The following SNX29 variants were observed in gnomAD, a reference collection of about 807,000 sequenced individuals.
SNX29 encodes sorting nexin 29, also known as sorting nexin-29.
SNX29 carries 78 observed loss-of-function variants against 102.1 expected under a neutral mutation model. The ratio of observed to expected loss-of-function variants is 0.76; its 90% CI spans 0.64 to 0.92. The LOEUF is 0.92. SNX29 is among the 40% of genes least tolerant of loss of function. SNX29 has a pLI of 0.00. For missense variants in SNX29, 1,280 were observed against 1,061.7 expected (o/e 1.21, Z -2.86); for synonymous variants, 580 against 414.5 (o/e 1.40, Z -4.85).
intron 14 of SNX29, among the ~76,000 whole-genome samples, chr16:12,218,098 A>G (rs1052589672): frequency 2.0e-5 from 3 of 152,260 alleles, no homozygotes; most frequent in Non-Finnish European, 4.4e-5. Flanking sequence ...CAATGATAAA[A>G]AAATTGTTTG....
chr16:12,534,420 G>A (rs973931981), intron 20 of SNX29, among the ~76,000 whole-genome samples: 2 of 152,298 alleles, frequency 1.3e-5, no homozygotes, highest in African/African-American at 4.8e-5. Context: ...TGTAGCCAGC[G>A]GCTGCACTCG....
At chr16:12,181,496 G>C (rs914444049) in intron 13 of SNX29, among the ~76,000 whole-genome samples, 1 of 152,226 alleles carries the variant, frequency 6.6e-6, no homozygotes, top group Non-Finnish European at 1.5e-5. Flanking sequence ...ATTCAGCTCA[G>C]TGAGTAGAGG....
chr16:12,349,134 C>A (rs1329540102), intron 15 of SNX29, among the ~76,000 whole-genome samples: 1 of 152,220 alleles, frequency 6.6e-6, no homozygotes, highest in Non-Finnish European at 1.5e-5. Context: ...TTTAGACAGG[C>A]CACTTGCCCC....
chr16:12,465,468 G>T (rs2087008374), intron 18 of SNX29, among the ~76,000 whole-genome samples: 1 of 152,092 alleles, frequency 6.6e-6, no homozygotes, highest in Non-Finnish European at 1.5e-5. Context: ...TGAAAAGACA[G>T]TCTTTTCCCC....
At chr16:12,404,694 T>C (rs4780431) in intron 18 of SNX29, among the ~76,000 whole-genome samples, 83,722 of 151,962 alleles carry the variant, frequency 0.55, 23,716 homozygotes, top group Non-Finnish European at 0.62. Flanking sequence ...GACACTGAAC[T>C]TGAAAGCGGA....
intron 19 of SNX29, among the ~76,000 whole-genome samples, chr16:12,484,809 C>G (rs2088146516): frequency 6.6e-6 from 1 of 152,190 alleles, no homozygotes; most frequent in African/African-American, 2.4e-5. Flanking sequence ...CTGGCCCTTT[C>G]CTCTGCTTTA....
chr16:12,234,767 A>G (rs892111117), intron 14 of SNX29, among the ~76,000 whole-genome samples: 3 of 152,144 alleles, frequency 2.0e-5, no homozygotes, highest in African/African-American at 7.2e-5. Flanking sequence ...TTAGCACTGC[A>G]TTGTGTGTTT....
At chr16:12,462,066 C>T (rs1404451639) in intron 18 of SNX29, among the ~76,000 whole-genome samples, 2 of 131,444 alleles carry the variant, frequency 1.5e-5, no homozygotes, top group Non-Finnish European at 3.1e-5. Flanking sequence ...AGAAAATATC[C>T]AGACCAGTGT....
intron 20 of SNX29, among the ~76,000 whole-genome samples, chr16:12,553,444 C>A (rs779036770): frequency 5.3e-5 from 8 of 152,162 alleles, no homozygotes; most frequent in Non-Finnish European, 8.8e-5. Flanking sequence ...ACCTGCTGAG[C>A]ATGGTGTAGA....
intron 14 of SNX29, among the ~76,000 whole-genome samples, chr16:12,249,766 G>C (rs1327533355): frequency 6.6e-6 from 1 of 152,180 alleles, no homozygotes. Context: ...ACTACTTCTT[G>C]GTGCATAGGG....
chr16:12,048,110 C>T (rs2050159185), intron 6 of SNX29, among the ~76,000 whole-genome samples: 1 of 151,900 alleles, frequency 6.6e-6, no homozygotes, highest in Non-Finnish European at 1.5e-5. Context: ...TGACTCAACT[C>T]CCATGATAAC....
intron 18 of SNX29, among the ~76,000 whole-genome samples, chr16:12,475,636 A>G (rs1022217147): frequency 2.6e-5 from 4 of 152,232 alleles, no homozygotes; most frequent in Non-Finnish European, 4.4e-5. Flanking sequence ...ACATTCACCT[A>G]TAGTTAGGCA....
rs1171537659 is a variant in SNX29 at position 11,980,493 on chromosome 16, G to C, written c.7+3680G>C. Among the ~76,000 whole-genome samples, 5 of 152,138 alleles carry C rather than the reference G, an allele frequency of 3.3e-5. No individual in the cohort carries two copies. In the East Asian group the frequency reaches 7.7e-4, roughly 23 times the overall value. The stretch of plus-strand genomic sequence containing the variant: ...TGAACGTTCACGCACATGTTTTTGT[G>C]GGGGCAAGTCTCTTCATTTCTCTTG... On this transcript the variant is annotated intron_variant, in intron 1 of 20. Coordinates refer to ENST00000566228, the MANE Select transcript of SNX29 (RefSeq NM_032167.5).
intron 9 of SNX29, among the ~76,000 whole-genome samples, chr16:12,065,099 G>T (rs1348001162): frequency 6.6e-6 from 1 of 152,220 alleles, no homozygotes; most frequent in East Asian, 1.9e-4. Context: ...CCTGAAAGGA[G>T]TTCTCTTGAA....
chr16:12,313,648 A>G (rs2080637868), intron 15 of SNX29, among the ~76,000 whole-genome samples: 1 of 152,258 alleles, frequency 6.6e-6, no homozygotes, highest in South Asian at 2.1e-4. Context: ...CATGTGTGTT[A>G]TAGCAGCTGA....
In SNX29 at chr16:12,180,180, T is replaced by TA. The variant is rs144207824; in HGVS notation, c.1596-19413dup. Among the ~76,000 whole-genome samples the TA allele has an allele frequency of 1.7e-3, 259 of 152,024 alleles. 2 individuals are homozygous for TA. The highest frequency in any genetic ancestry group is 5.5e-3 in the African/African-American group (230 of 41,486). On this transcript the variant is annotated intron_variant, in intron 13 of 20. Transcript: ENST00000566228. The stretch of plus-strand genomic sequence containing the variant: ...CTTTCTTCATATCCTTTTCTTTTTC[T>TA]AAAAAAAACAAACAAAAAACAAACT...
intron 13 of SNX29, among the ~76,000 whole-genome samples, chr16:12,153,071 C>A (rs1484001867): frequency 6.6e-6 from 1 of 152,174 alleles, no homozygotes; most frequent in African/African-American, 2.4e-5. Flanking sequence ...CTTTTGTGCC[C>A]CAGCCTTGGC....
intron 11 of SNX29, among the ~76,000 whole-genome samples, chr16:12,119,617 A>G (rs796331538): frequency 2.6e-5 from 4 of 152,350 alleles, no homozygotes; most frequent in African/African-American, 9.6e-5. Context: ...GGACAGAGAA[A>G]GACTGGGAGA....
At position 12,027,399 on chromosome 16, in the gene SNX29, G is replaced by A; in HGVS notation, c.202G>A (p.Ala68Thr). 1 of 1,614,146 alleles carries A rather than the reference G, an allele frequency of 6.2e-7. No homozygotes were observed. Among genetic ancestry groups the A allele is most frequent in the African/African-American group, 1.3e-5 (1 of 75,060 alleles). ...KRSRGLALTA[A>T]AIKQAAGFAS... ...GAGTCGAGGATTGGCACTCACAGCGGCAGCGATCAAGCAGGCAGCGGGCTT... is the reference window on the plus strand; with the variant it reads ...GAGTCGAGGATTGGCACTCACAGCGACAGCGATCAAGCAGGCAGCGGGCTT... Residue 68 changes from alanine (A) to threonine (T), a missense_variant, in exon 4 of 21, where the codon GCA becomes ACA. By Grantham distance (58) the Ala-to-Thr change is moderately conservative. Transcript: ENST00000566228.
Sources: gnomAD v4.1 joint callset for allele counts (sites outside exome capture counted in the v4.1 genomes callset) on GRCh38, gnomAD v4.1.1 for gene constraint, MANE v1.5 for transcripts, NCBI Gene and HGNC (gene_info 2026-07-23, HGNC 2026-07-21) for gene names.